The following LYRM4 variants were observed in gnomAD, a reference collection of about 807,000 sequenced individuals.
LYRM4 encodes the protein LYR motif-containing protein 4.
LYRM4 carries 9 observed loss-of-function variants against 11.7 expected under a neutral mutation model. That is an observed-to-expected ratio of 0.77 (90% CI 0.46 to 1.34). LYRM4 has a LOEUF of 1.34. LYRM4 is among the 40% of genes most tolerant of loss of function. The pLI, the probability that LYRM4 is intolerant of heterozygous loss-of-function variation, is 0.00. For synonymous variants in LYRM4, 42 were observed against 40.4 expected (o/e 1.04, Z -0.15); for missense variants, 133 against 112.5 (o/e 1.18, Z -0.82).
intron 1 of LYRM4, among the ~76,000 whole-genome samples, chr6:5,225,379 T>A (rs1762826234): frequency 6.6e-6 from 1 of 152,178 alleles, no homozygotes; most frequent in African/African-American, 2.4e-5. Context: ...GCTATCACAG[T>A]TGGCAGTTTC....
chr6:5,149,261 G>A (rs1232102161), intron 2 of LYRM4, among the ~76,000 whole-genome samples: 2 of 152,206 alleles, frequency 1.3e-5, no homozygotes, highest in Non-Finnish European at 2.9e-5. Context: ...CGTGGGAAAA[G>A]CCTGCTAACA....
chr6:5,083,630 C>G, the LYRM4 span, among the ~76,000 whole-genome samples: 1 of 152,304 alleles, frequency 6.6e-6, no homozygotes, highest in South Asian at 2.1e-4. Context: ...TATATGTAGG[C>G]AGGAATGATG....
At chr6:5,231,261 G>A (rs1222514501) in intron 1 of LYRM4, among the ~76,000 whole-genome samples, 2 of 152,110 alleles carry the variant, frequency 1.3e-5, no homozygotes, top group Non-Finnish European at 2.9e-5. Flanking sequence ...CAGGTGTACA[G>A]TAACCTCAAC....
At chr6:5,228,346 G>A (rs202121165) in intron 1 of LYRM4, among the ~76,000 whole-genome samples, 1 of 151,808 alleles carries the variant, frequency 6.6e-6, no homozygotes, top group East Asian at 1.9e-4. Flanking sequence ...ATGCGGTCTC[G>A]GCTCACTGCA....
At chr6:5,094,703 G>C in the LYRM4 span, among the ~76,000 whole-genome samples, 1 of 152,126 alleles carries the variant, frequency 6.6e-6, no homozygotes, top group Non-Finnish European at 1.5e-5. Context: ...CAATTCTGAG[G>C]ATTTTCTTGT....
At chr6:5,258,494 T>C (rs1416621265) in intron 1 of LYRM4, among the ~76,000 whole-genome samples, 4 of 152,182 alleles carry the variant, frequency 2.6e-5, no homozygotes, top group Admixed American at 2.0e-4. Context: ...ACAGAATTGA[T>C]AGTGGATGTT....
the LYRM4 span, among the ~76,000 whole-genome samples, chr6:5,039,233 A>G: frequency 3.9e-5 from 6 of 152,136 alleles, no homozygotes; most frequent in Non-Finnish European, 7.3e-5. Flanking sequence ...AGCTATTAGT[A>G]TTGTTTTGTC....
downstream of LYRM4, chr6:5,107,667 C>T (rs1762701946): frequency 6.6e-6 from 1 of 152,186 alleles, no homozygotes; most frequent in Non-Finnish European, 1.5e-5. Context: ...CAGGCAGGAA[C>T]TGGTTAGAGG....
chr6:5,064,976 C>G, the LYRM4 span, among the ~76,000 whole-genome samples: 3 of 152,286 alleles, frequency 2.0e-5, no homozygotes, highest in Admixed American at 2.0e-4. Context: ...TCCACCATTA[C>G]AGTGTCATAC....
intron 1 of LYRM4, among the ~76,000 whole-genome samples, chr6:5,245,154 A>C (rs1764133018): frequency 9.6e-6 from 1 of 103,866 alleles, no homozygotes; most frequent in South Asian, 3.5e-4. Context: ...ATATATATAT[A>C]TATATATATA....
chr6:5,076,082 C>G, the LYRM4 span, among the ~76,000 whole-genome samples: 1 of 151,944 alleles, frequency 6.6e-6, no homozygotes, highest in South Asian at 2.1e-4. Context: ...GTAGCTGGAA[C>G]TATAAGTGTG....
intron 1 of LYRM4, among the ~76,000 whole-genome samples, chr6:5,241,796 AG>A (rs1386018414): frequency 1.3e-5 from 2 of 152,218 alleles, no homozygotes; most frequent in African/African-American, 4.8e-5. Flanking sequence ...AATATCAAAA[AG>A]TTCCTGTCCA....
At chr6:5,069,746 T>C in the LYRM4 span, among the ~76,000 whole-genome samples, 16 of 152,114 alleles carry the variant, frequency 1.1e-4, no homozygotes, top group African/African-American at 3.9e-4. Context: ...CCCAAAGTGC[T>C]GGGATTATAG....
chr6:5,058,911 A>G, the LYRM4 span, among the ~76,000 whole-genome samples: 1 of 152,188 alleles, frequency 6.6e-6, no homozygotes, highest in East Asian at 1.9e-4. Context: ...TTTTAATTGA[A>G]AAAGTAATAA....
chr6:5,142,209 G>A (rs1354880937), intron 2 of LYRM4, among the ~76,000 whole-genome samples: 4 of 152,146 alleles, frequency 2.6e-5, no homozygotes, highest in African/African-American at 7.2e-5. Context: ...AGGCTATGCC[G>A]TAGAGAAAAT....
intron 2 of LYRM4, among the ~76,000 whole-genome samples, chr6:5,112,133 G>A (rs1039943493): frequency 1.5e-4 from 23 of 152,158 alleles, no homozygotes; most frequent in Non-Finnish European, 1.3e-4. Context: ...CCACCCGTTC[G>A]CTGCCTGCAG....
intron 1 of LYRM4, among the ~76,000 whole-genome samples, chr6:5,252,578 A>C (rs1213742445): frequency 6.6e-6 from 1 of 152,090 alleles, no homozygotes; most frequent in Non-Finnish European, 1.5e-5. Context: ...TTGCCTAATC[A>C]ATAGTTCTTC....
At chr6:5,041,959 T>G in the LYRM4 span, among the ~76,000 whole-genome samples, 22 of 152,262 alleles carry the variant, frequency 1.4e-4, no homozygotes, top group Non-Finnish European at 2.9e-4. Context: ...TTGTTTTCTA[T>G]AAGAATTGTT....
At chr6:5,248,120 G>A (rs1483289387) in intron 1 of LYRM4, among the ~76,000 whole-genome samples, 3 of 152,188 alleles carry the variant, frequency 2.0e-5, no homozygotes, top group African/African-American at 4.8e-5. Flanking sequence ...TGTCCTCTAC[G>A]TTTGATGCTT....
Sources: gnomAD v4.1 joint callset for allele counts (sites outside exome capture counted in the v4.1 genomes callset) on GRCh38, gnomAD v4.1.1 for gene constraint, MANE v1.5 for transcripts, NCBI Gene and HGNC (gene_info 2026-07-23, HGNC 2026-07-21) for gene names.